SPAG16: variants seen among roughly 807,000 people sequenced by gnomAD.
SPAG16 encodes the protein sperm associated antigen 16, also known as sperm-associated antigen 16 protein.
Under a neutral mutation model 80.4 loss-of-function variants are expected in SPAG16, and 86 were observed. The observed-to-expected ratio is 1.07, with a 90% CI of 0.90 to 1.28. The LOEUF is 1.28. SPAG16 is among the 50% of genes most tolerant of loss of function. The pLI is 0.00. For missense variants in SPAG16, 870 were observed against 765.3 expected (o/e 1.14, Z -1.61); for synonymous variants, 294 against 265.9 (o/e 1.11, Z -1.03).
chr2:213,517,299 T>G (rs977820867), intron 10 of SPAG16, among the ~76,000 whole-genome samples: 1 of 152,104 alleles, frequency 6.6e-6, no homozygotes, highest in Non-Finnish European at 1.5e-5. Context: ...ACTGCTGAAA[T>G]AAATTAGAGA....
In SPAG16 at chr2:213,353,497, C is replaced by G. The variant is rs116639408; in HGVS notation, c.762+2852C>G. ...AGCACAATGTAAAATATGAAGGACT[C>G]TTTAAGGGGTTGTCAATTTTCCTAG... On this transcript the variant is annotated intron_variant, in intron 7 of 15. Transcript: ENST00000331683. 6.5e-3 allele frequency among the ~76,000 whole-genome samples: 991 copies of G among 152,272 alleles called. 16 individuals carry two copies. Among genetic ancestry groups the G allele is most frequent in the African/African-American group, 0.023 (941 of 41,548 alleles).
chr2:213,720,530 C>T (rs1173672717), intron 10 of SPAG16, among the ~76,000 whole-genome samples: 3 of 150,732 alleles, frequency 2.0e-5, no homozygotes, highest in Non-Finnish European at 4.4e-5. Flanking sequence ...TCCAGCTACT[C>T]CGAAGGCTGA....
In SPAG16 at chr2:213,792,051, C is replaced by T. The variant is rs1203649726; in HGVS notation, c.1071-70434C>T. Among the ~76,000 whole-genome samples the T allele has an allele frequency of 2.6e-5, 4 of 152,218 alleles. No homozygotes were observed. The East Asian group carries it at 7.7e-4, about 29-fold the overall frequency. Reference sequence around the variant, plus strand: ...AATGTGTCTTTCTTTTTTCTTAAAACACCAAGCCAGTATTCATCGAGACAA... The same window carrying T: ...AATGTGTCTTTCTTTTTTCTTAAAATACCAAGCCAGTATTCATCGAGACAA... On this transcript the variant is annotated intron_variant, in intron 10 of 15. Transcript: ENST00000331683.
intron 9 of SPAG16, among the ~76,000 whole-genome samples, chr2:213,402,368 T>C (rs2068359647): frequency 6.6e-6 from 1 of 152,098 alleles, no homozygotes; most frequent in Non-Finnish European, 1.5e-5. Context: ...TCTTTTACAT[T>C]GTTTATATTC....
chr2:214,308,015 G>A (rs1355649446), intron 15 of SPAG16, among the ~76,000 whole-genome samples: 2 of 152,048 alleles, frequency 1.3e-5, no homozygotes, highest in Non-Finnish European at 2.9e-5. Context: ...TTACTGTATG[G>A]GAGTCTATGT....
chr2:213,901,538 T>C (rs2077221585), intron 11 of SPAG16, among the ~76,000 whole-genome samples: 2 of 152,126 alleles, frequency 1.3e-5, no homozygotes, highest in Admixed American at 1.3e-4. Context: ...AAAGTAATTC[T>C]ATGCTGGTGA....
chr2:213,450,178 C>T (rs1404334528), intron 9 of SPAG16, among the ~76,000 whole-genome samples: 1 of 152,132 alleles, frequency 6.6e-6, no homozygotes, highest in Admixed American at 6.5e-5. Flanking sequence ...GTGGTGCATG[C>T]CTGTAATCCC....
intron 15 of SPAG16, among the ~76,000 whole-genome samples, chr2:214,256,883 T>G (rs1469075881): frequency 6.6e-6 from 1 of 152,016 alleles, no homozygotes; most frequent in African/African-American, 2.4e-5. Context: ...CTTTTCAAGA[T>G]TCTTTTACCT....
chr2:214,387,736 C>A (rs575521377), intron 15 of SPAG16, among the ~76,000 whole-genome samples: 1 of 152,274 alleles, frequency 6.6e-6, no homozygotes. Flanking sequence ...CTTCACAGGG[C>A]AGCAGAAAGG....
intron 10 of SPAG16, among the ~76,000 whole-genome samples, chr2:213,703,512 C>A (rs1469690009): frequency 6.6e-6 from 1 of 152,140 alleles, no homozygotes; most frequent in African/African-American, 2.4e-5. Flanking sequence ...CATATGGAAC[C>A]CCAAGATAAA....
intron 15 of SPAG16, among the ~76,000 whole-genome samples, chr2:214,403,155 T>G (rs930439751): frequency 6.6e-6 from 1 of 151,576 alleles, no homozygotes; most frequent in Non-Finnish European, 1.5e-5. Context: ...TGTGTGGCCT[T>G]GGAGAAGTTG....
chr2:214,132,777 C>T (rs2054843402), intron 14 of SPAG16, among the ~76,000 whole-genome samples: 1 of 152,146 alleles, frequency 6.6e-6, no homozygotes, highest in Non-Finnish European at 1.5e-5. Flanking sequence ...GTCAAATTTA[C>T]ATTTGAGAGT....
intron 12 of SPAG16, among the ~76,000 whole-genome samples, chr2:214,009,158 G>A (rs527829518): frequency 6.6e-5 from 10 of 152,098 alleles, no homozygotes; most frequent in South Asian, 2.1e-4. Context: ...CCATCTAGAC[G>A]TTCGCCCAAA....
intron 15 of SPAG16, among the ~76,000 whole-genome samples, chr2:214,264,068 T>C (rs972124717): frequency 2.0e-5 from 3 of 152,150 alleles, no homozygotes; most frequent in Non-Finnish European, 4.4e-5. Flanking sequence ...CATTTAAATT[T>C]CAGAAATCTG....
intron 10 of SPAG16, among the ~76,000 whole-genome samples, chr2:213,810,428 CAT>C (rs1032728580): frequency 5.9e-5 from 9 of 152,094 alleles, no homozygotes; most frequent in Non-Finnish European, 8.8e-5. Flanking sequence ...GAAGTAGACT[CAT>C]ATGACATTAT....
chr2:213,319,465 G>T (rs1037359500), intron 5 of SPAG16, among the ~76,000 whole-genome samples: 3 of 151,862 alleles, frequency 2.0e-5, no homozygotes, highest in African/African-American at 7.2e-5. Context: ...CATTAGAAGT[G>T]TATGATGATT....
chr2:214,059,222 G>GTA (rs34244219), intron 13 of SPAG16, among the ~76,000 whole-genome samples: 32,493 of 120,810 alleles, frequency 0.27, 4,904 homozygotes, highest in East Asian at 0.67. Context: ...ATATGTATGT[G>GTA]TATATATATA....
intron 11 of SPAG16, among the ~76,000 whole-genome samples, chr2:213,869,283 A>ACG (rs2075850988): frequency 3.4e-5 from 1 of 29,300 alleles, no homozygotes; most frequent in Admixed American, 4.3e-4. Flanking sequence ...ATATATATGT[A>ACG]TATATATATG....
At chr2:213,973,015 G>T (rs775752407) in intron 12 of SPAG16, among the ~76,000 whole-genome samples, 15 of 152,270 alleles carry the variant, frequency 9.9e-5, no homozygotes, top group Admixed American at 3.3e-4. Flanking sequence ...ACCTCTCAGT[G>T]TTTGACGATT....
Sources: gnomAD v4.1 joint callset for allele counts (sites outside exome capture counted in the v4.1 genomes callset) on GRCh38, gnomAD v4.1.1 for gene constraint, MANE v1.5 for transcripts, NCBI Gene and HGNC (gene_info 2026-07-23, HGNC 2026-07-21) for gene names.